The following MIPOL1 variants were observed in gnomAD, a reference collection of about 807,000 sequenced individuals.
MIPOL1 encodes the protein mirror-image polydactyly gene 1 protein.
Under a neutral mutation model 60.9 loss-of-function variants are expected in MIPOL1, and 57 were observed. That is an observed-to-expected ratio of 0.94 (90% CI 0.76 to 1.17). The LOEUF (loss-of-function observed/expected upper bound fraction) is 1.17, where lower values mean the gene tolerates loss of function less well. MIPOL1 is among the 50% of genes most tolerant of loss of function. The probability of loss-of-function intolerance (pLI) is 0.00; values close to 1 mark genes in which losing one functional copy is unlikely to be tolerated. For synonymous variants in MIPOL1, 179 were observed against 168.8 expected, an observed-to-expected ratio of 1.06 and a Z score of -0.47; for missense variants, 551 against 511.6, an observed-to-expected ratio of 1.08 and a Z score of -0.74.
intron 11 of MIPOL1, among the ~76,000 whole-genome samples, chr14:37,473,738 A>G (rs2094724120): frequency 6.6e-6 from 1 of 152,228 alleles, no homozygotes; most frequent in Non-Finnish European, 1.5e-5. Context: ...ATGTATTATC[A>G]TTAGCTAAAG....
chr14:37,415,430 G>A (rs2093749092), intron 10 of MIPOL1, among the ~76,000 whole-genome samples: 1 of 151,766 alleles, frequency 6.6e-6, no homozygotes, highest in Admixed American at 6.6e-5. Flanking sequence ...AGACCATCCT[G>A]GCTAACACGG....
intron 1 of MIPOL1, among the ~76,000 whole-genome samples, chr14:37,242,640 CTCCACCTGTCCA>C (rs1208504271): frequency 4.6e-5 from 7 of 152,196 alleles, no homozygotes; most frequent in African/African-American, 1.7e-4. Flanking sequence ...AGTCATGTCC[CTCCACCTGTCCA>C]TCCACCTGTC....
intron 12 of MIPOL1, among the ~76,000 whole-genome samples, chr14:37,527,066 A>T (rs535529080): frequency 1.3e-5 from 2 of 152,032 alleles, no homozygotes; most frequent in African/African-American, 2.4e-5. Context: ...TTTTATGTGA[A>T]CTGCCTATTC....
intron 11 of MIPOL1, among the ~76,000 whole-genome samples, chr14:37,473,157 A>G (rs1011578297): frequency 7.2e-5 from 11 of 152,076 alleles, no homozygotes; most frequent in African/African-American, 2.7e-4. Flanking sequence ...TTCTCACTCT[A>G]TTAGTTACCA....
At chr14:37,259,693 T>C (rs925525605) in intron 3 of MIPOL1, among the ~76,000 whole-genome samples, 1 of 152,128 alleles carries the variant, frequency 6.6e-6, no homozygotes, top group Non-Finnish European at 1.5e-5. Flanking sequence ...GTAATTATAG[T>C]ACAAAAAAGA....
At chr14:37,276,440 T>G (rs2083667113) in intron 6 of MIPOL1, 1 of 151,072 alleles carries the variant, frequency 6.6e-6, no homozygotes, top group Admixed American at 6.6e-5. Context: ...AAAATATAGA[T>G]TTGTAATCTA....
rs531617237 is a variant in MIPOL1, at chr14:37,476,710, A to G, written c.1032-23198A>G. Among the ~76,000 whole-genome samples the G allele has an allele frequency of 3.9e-5, 6 of 152,106 alleles. 1 individual carries two copies. The South Asian group carries it at 1.0e-3, about 26-fold the overall frequency. ...ATTAATGATTTTTAGTCTTTAGACT[A>G]TTTTGTGATGGAGTACATTAATTGA... On this transcript the variant is annotated intron_variant, in intron 11 of 12. Coordinates refer to ENST00000684589, the MANE Select transcript of MIPOL1 (RefSeq NM_001388067.1).
intron 1 of MIPOL1, among the ~76,000 whole-genome samples, chr14:37,217,944 C>A (rs2139440049): frequency 6.6e-6 from 1 of 152,282 alleles, no homozygotes; most frequent in East Asian, 1.9e-4. Context: ...TACTTTTAAG[C>A]ATTGATCTAG....
chr14:37,452,270 T>A (rs559110284), intron 11 of MIPOL1, among the ~76,000 whole-genome samples: 127 of 152,348 alleles, frequency 8.3e-4, no homozygotes, highest in Non-Finnish European at 1.6e-4. Context: ...AAAATGATTT[T>A]TAAATGTTGC....
chr14:37,396,683 T>G (rs183639921), intron 10 of MIPOL1, among the ~76,000 whole-genome samples: 148 of 152,224 alleles, frequency 9.7e-4, no homozygotes, highest in African/African-American at 3.4e-3. Context: ...TTATTCTTTT[T>G]TCTTAGTCTT....
intron 11 of MIPOL1, among the ~76,000 whole-genome samples, chr14:37,439,384 T>C (rs1368570804): frequency 2.0e-5 from 3 of 152,184 alleles, no homozygotes; most frequent in African/African-American, 7.2e-5. Flanking sequence ...TATTATGCAA[T>C]TGAGAGAAAA....
chr14:37,522,554 T>C (rs1201790680), intron 12 of MIPOL1, among the ~76,000 whole-genome samples: 7 of 152,150 alleles, frequency 4.6e-5, no homozygotes, highest in Admixed American at 3.3e-4. Context: ...AGCTATCTTT[T>C]CCAGTTTACT....
chr14:37,226,590 T>G (rs1969790871), intron 1 of MIPOL1, among the ~76,000 whole-genome samples: 1 of 152,112 alleles, frequency 6.6e-6, no homozygotes, highest in Non-Finnish European at 1.5e-5. Context: ...TCCCACAACA[T>G]GAGGGAATTA....
intron 11 of MIPOL1, among the ~76,000 whole-genome samples, chr14:37,481,370 T>C (rs944426799): frequency 3.9e-5 from 6 of 152,038 alleles, no homozygotes; most frequent in African/African-American, 1.4e-4. Flanking sequence ...ATGAAAGAGA[T>C]TGAAGAGGAC....
chr14:37,509,391 T>C (rs1190302189), intron 12 of MIPOL1, among the ~76,000 whole-genome samples: 5 of 151,770 alleles, frequency 3.3e-5, no homozygotes, highest in African/African-American at 1.2e-4. Flanking sequence ...TATATATCAC[T>C]CTTTGAAGTG....
chr14:37,494,244 T>A (rs2095085606), intron 11 of MIPOL1, among the ~76,000 whole-genome samples: 1 of 152,138 alleles, frequency 6.6e-6, no homozygotes, highest in Non-Finnish European at 1.5e-5. Context: ...AAATGAAGTA[T>A]TAATATGTTA....
At chr14:37,334,142 T>C (rs2153456508) in intron 9 of MIPOL1, among the ~76,000 whole-genome samples, 1 of 152,156 alleles carries the variant, frequency 6.6e-6, no homozygotes, top group Admixed American at 6.5e-5. Context: ...ATACACAGCT[T>C]CATGCTAATA....
intron 12 of MIPOL1, among the ~76,000 whole-genome samples, chr14:37,520,924 T>G (rs1187559296): frequency 1.4e-5 from 2 of 140,856 alleles, no homozygotes; most frequent in African/African-American, 5.2e-5. Context: ...CTTAACATTT[T>G]ACTTTTTTTT....
intron 11 of MIPOL1, among the ~76,000 whole-genome samples, chr14:37,459,230 G>A (rs529800678): frequency 9.9e-5 from 15 of 151,922 alleles, no homozygotes; most frequent in African/African-American, 3.6e-4. Flanking sequence ...AAAATGAAGA[G>A]TTGGTTATTT....
Sources: gnomAD v4.1 joint callset for allele counts (sites outside exome capture counted in the v4.1 genomes callset) on GRCh38, gnomAD v4.1.1 for gene constraint, MANE v1.5 for transcripts, NCBI Gene and HGNC (gene_info 2026-07-23, HGNC 2026-07-21) for gene names.